Variants in IQSEC1 observed in about 807,000 individuals in gnomAD.
IQSEC1 encodes the protein IQ motif and SEC7 domain-containing protein 1.
Under a neutral mutation model 91.0 loss-of-function variants are expected in IQSEC1, and 31 were observed. The ratio of observed to expected loss-of-function variants is 0.34; its 90% CI spans 0.26 to 0.46. IQSEC1 has a LOEUF of 0.46. Ranked by LOEUF, IQSEC1 falls within the 20% of genes least tolerant of loss-of-function variation. IQSEC1 has a pLI of 1.00. For missense variants in IQSEC1, 1,388 were observed against 1,575.6 expected, an observed-to-expected ratio of 0.88 and a Z score of 2.02; for synonymous variants, 699 against 662.6, an observed-to-expected ratio of 1.05 and a Z score of -0.84.
At chr3:13,100,742 T>C (rs1186775268) in intron 2 of IQSEC1, among the ~76,000 whole-genome samples, 1 of 149,058 alleles carries the variant, frequency 6.7e-6, no homozygotes, top group Non-Finnish European at 1.5e-5. Context: ...CGATTAATTC[T>C]ACAAATGTTC....
chr3:12,969,779 C>T (rs1384433073), intron 1 of IQSEC1, among the ~76,000 whole-genome samples: 1 of 152,204 alleles, frequency 6.6e-6, no homozygotes, highest in Non-Finnish European at 1.5e-5. Flanking sequence ...GACATTGTCT[C>T]GGCTGGGATT....
chr3:12,980,997 A>G (rs1241123194), intron 1 of IQSEC1, among the ~76,000 whole-genome samples: 2 of 152,118 alleles, frequency 1.3e-5, no homozygotes. Flanking sequence ...CCCTTCCTCT[A>G]AGCAGTGTTC....
intron 2 of IQSEC1, among the ~76,000 whole-genome samples, chr3:13,084,617 C>T (rs1026867519): frequency 2.6e-5 from 4 of 152,166 alleles, no homozygotes; most frequent in African/African-American, 9.7e-5. Context: ...TCTGCCAGTC[C>T]CATTCTCCTG....
chr3:13,061,090 C>T (rs1009233118), intron 1 of IQSEC1, among the ~76,000 whole-genome samples: 9 of 152,174 alleles, frequency 5.9e-5, no homozygotes, highest in Non-Finnish European at 1.3e-4. Context: ...TCCCAGGCCA[C>T]GCGTGGCCTG....
chr3:13,245,974 A>C (rs780720721), intron 1 of IQSEC1, among the ~76,000 whole-genome samples: 4 of 152,162 alleles, frequency 2.6e-5, no homozygotes, highest in Admixed American at 2.0e-4. Flanking sequence ...GCTGAAGTTG[A>C]AGGCTAGGCC....
chr3:13,253,503 G>C (rs1019865340), intron 1 of IQSEC1, among the ~76,000 whole-genome samples: 1 of 152,142 alleles, frequency 6.6e-6, no homozygotes, highest in Non-Finnish European at 1.5e-5. Flanking sequence ...ATGAAGCTTC[G>C]GTAATACTCT....
chr3:13,129,290 T>C (rs545423263), intron 2 of IQSEC1, among the ~76,000 whole-genome samples: 1 of 152,340 alleles, frequency 6.6e-6, no homozygotes, highest in South Asian at 2.1e-4. Flanking sequence ...TACTCCATTA[T>C]TATGCTTCAG....
chr3:12,906,291 G>A (rs992530636), intron 12 of IQSEC1, among the ~76,000 whole-genome samples: 8 of 152,268 alleles, frequency 5.3e-5, no homozygotes, highest in African/African-American at 1.9e-4. Context: ...AGTGCTGTGA[G>A]GGCCGTGGTG....
chr3:12,931,654 T>G (rs1697686986), intron 3 of IQSEC1, among the ~76,000 whole-genome samples: 1 of 152,140 alleles, frequency 6.6e-6, no homozygotes, highest in East Asian at 1.9e-4. Context: ...TGGAGGGGAA[T>G]GGCCCCCTGG....
At chr3:13,120,310 C>T (rs1253895408) in intron 2 of IQSEC1, among the ~76,000 whole-genome samples, 1 of 152,168 alleles carries the variant, frequency 6.6e-6, no homozygotes, top group African/African-American at 2.4e-5. Flanking sequence ...AAATGAGGAA[C>T]TGAGGCTTGG....
intron 1 of IQSEC1, among the ~76,000 whole-genome samples, chr3:13,219,325 G>A (rs1281297918): frequency 2.0e-5 from 3 of 152,306 alleles, no homozygotes; most frequent in Middle Eastern, 3.4e-3. Context: ...TTCACTGGCC[G>A]CGGCTGCCCA....
intron 2 of IQSEC1, among the ~76,000 whole-genome samples, chr3:13,114,938 G>A (rs1055790415): frequency 2.6e-5 from 4 of 152,184 alleles, no homozygotes; most frequent in East Asian, 1.9e-4. Context: ...GCCCATGCAC[G>A]GTTCAGGAGA....
chr3:12,934,633 G>A (rs1462184819), intron 3 of IQSEC1, among the ~76,000 whole-genome samples: 1 of 152,152 alleles, frequency 6.6e-6, no homozygotes, highest in Non-Finnish European at 1.5e-5. Context: ...CCAGGGAGTG[G>A]AAATAACGAG....
rs1175981658 is a variant in IQSEC1, at chr3:12,900,838, C to T, written c.*145G>A. The T allele has an allele frequency of 2.0e-6, 3 of 1,516,268 alleles. No homozygotes were observed. The highest frequency in any genetic ancestry group is 2.8e-5 in the African/African-American group (2 of 72,424). 93.9% of individuals were successfully genotyped at this position (1,516,268 alleles called of 1,614,324 possible). A position where few individuals can be genotyped will look rare whatever the true frequency, so the allele number is the denominator to read the frequency against. ...CACACAACACCAGCCCTGTGGGCTC[C>T]TGGGGCTCCGGTTGGGCCGTGAGGG... On this transcript the variant is annotated 3_prime_UTR_variant, in exon 14 of 14. Coordinates refer to ENST00000613206, the MANE Select transcript of IQSEC1 (RefSeq NM_001134382.3).
chr3:12,970,343 TAA>T lies in IQSEC1; in HGVS notation c.24-28480_24-28479del, dbSNP rs1559686213. ...GCCCCATGTATGGGGTCACAGGATG[TAA>T]AAAGTCATGGAGACGTTTAGTTCCA... On this transcript the variant is annotated intron_variant, in intron 1 of 13. Transcript: ENST00000613206. The surrounding 1 kb of genome is among the most constrained non-coding windows in gnomAD (Gnocchi z 4.4). Among the ~76,000 whole-genome samples the T allele has an allele frequency of 6.6e-6, 1 of 152,144 alleles. No individual in the cohort carries two copies. The highest frequency in any genetic ancestry group is 1.5e-5 in the Non-Finnish European group (1 of 68,008).
At chr3:13,155,056 CTT>C (rs1279078871) in intron 2 of IQSEC1, among the ~76,000 whole-genome samples, 1 of 152,126 alleles carries the variant, frequency 6.6e-6, no homozygotes, top group African/African-American at 2.4e-5. Flanking sequence ...AACAAAATAA[CTT>C]TACAACTTAA....
At chr3:12,901,851 G>A (rs1164329697) in intron 13 of IQSEC1, among the ~76,000 whole-genome samples, 2 of 152,190 alleles carry the variant, frequency 1.3e-5, no homozygotes, top group African/African-American at 2.4e-5. Context: ...ATTTCAAATT[G>A]GAACCCCTAG....
chr3:13,099,847 CT>C (rs60268187), intron 2 of IQSEC1, among the ~76,000 whole-genome samples: 15,172 of 151,150 alleles, frequency 0.1, 912 homozygotes, highest in African/African-American at 0.16. Flanking sequence ...CTCAGCACCC[CT>C]GGCAGAGGGC....
chr3:13,194,151 A>G, intron 1 of IQSEC1, among the ~76,000 whole-genome samples: 1 of 152,058 alleles, frequency 6.6e-6, no homozygotes, highest in East Asian at 1.9e-4. Context: ...ACCTCTGTAA[A>G]GGCCCTGTCT....
Sources: gnomAD v4.1 joint callset for allele counts (sites outside exome capture counted in the v4.1 genomes callset) on GRCh38, gnomAD v4.1.1 for gene constraint, Gnocchi (gnomAD v3.1) non-coding constraint, MANE v1.5 for transcripts, NCBI Gene and HGNC (gene_info 2026-07-23, HGNC 2026-07-21) for gene names.